The following ZFAT variants were observed in gnomAD, a reference collection of about 807,000 sequenced individuals.
ZFAT encodes zinc finger and AT-hook domain containing.
Under a neutral mutation model 117.7 loss-of-function variants are expected in ZFAT, and 64 were observed. The ratio of observed to expected loss-of-function variants is 0.54; its 90% confidence interval spans 0.44 to 0.67. ZFAT has a LOEUF of 0.67. ZFAT is among the 30% of genes least tolerant of loss of function. The pLI is 0.00. For missense variants in ZFAT, 1,433 were observed against 1,584.5 expected, an observed-to-expected ratio of 0.90 and a Z score of 1.62; for synonymous variants, 679 against 615.0, an observed-to-expected ratio of 1.10 and a Z score of -1.54.
the ZFAT span, among the ~76,000 whole-genome samples, chr8:134,759,008 G>A: frequency 6.6e-6 from 1 of 152,198 alleles, no homozygotes; most frequent in African/African-American, 2.4e-5. Flanking sequence ...AAGCAGTCAT[G>A]TTAGCAAGGG....
chr8:134,484,741 G>A (rs1203586881), intron 15 of ZFAT, among the ~76,000 whole-genome samples: 3 of 152,150 alleles, frequency 2.0e-5, no homozygotes, highest in Non-Finnish European at 4.4e-5. Context: ...ACCTGGGCAG[G>A]GGCGAACGCC....
chr8:134,500,703 A>G (rs1489403849), intron 15 of ZFAT, among the ~76,000 whole-genome samples: 1 of 152,204 alleles, frequency 6.6e-6, no homozygotes, highest in Non-Finnish European at 1.5e-5. Flanking sequence ...AGAAAAAGAA[A>G]AGGTTCAAAC....
intron 12 of ZFAT, among the ~76,000 whole-genome samples, chr8:134,527,535 T>A (rs1157256543): frequency 1.3e-5 from 2 of 152,212 alleles, no homozygotes; most frequent in Non-Finnish European, 2.9e-5. Flanking sequence ...GTCTCTTAAC[T>A]CAGTGTCTGT....
chr8:134,600,371 C>G (rs1827318630), intron 7 of ZFAT, 65 bp downstream of exon 7: 1 of 1,397,582 alleles, frequency 7.2e-7, no homozygotes, highest in East Asian at 2.3e-5. Flanking sequence ...TACATATAAG[C>G]ATAAACTTGA....
intron 11 of ZFAT, among the ~76,000 whole-genome samples, chr8:134,541,413 T>C (rs901008403): frequency 6.6e-6 from 1 of 151,690 alleles, no homozygotes; most frequent in African/African-American, 2.4e-5. Context: ...CTCTGCAGAG[T>C]CCCCACCAGC....
chr8:134,685,005 CA>C (rs1833251256), intron 1 of ZFAT, among the ~76,000 whole-genome samples: 1 of 152,192 alleles, frequency 6.6e-6, no homozygotes, highest in South Asian at 2.1e-4. Flanking sequence ...CTTCATGGCA[CA>C]AAGTGGCACC....
chr8:134,800,598 G>GA, the ZFAT span: 1 of 511,924 alleles, frequency 2.0e-6, no homozygotes, highest in Non-Finnish European at 4.1e-6. Context: ...TACATGAACT[G>GA]AAACTTGGTT....
At chr8:134,565,289 CT>C in intron 11 of ZFAT, 43 bp downstream of exon 11, 5 of 1,610,596 alleles carry the variant, frequency 3.1e-6, no homozygotes, top group Non-Finnish European at 3.4e-6. Context: ...AAAGCAACGC[CT>C]TTTTTGTCTG....
At chr8:134,595,712 G>C (rs1826878008) in intron 7 of ZFAT, among the ~76,000 whole-genome samples, 1 of 152,206 alleles carries the variant, frequency 6.6e-6, no homozygotes, top group African/African-American at 2.4e-5. Context: ...ACTGTAAGTT[G>C]ACATTATTTA....
At chr8:134,657,493 C>T (rs1428996191) in intron 2 of ZFAT, 68 bp downstream of exon 2, 8 of 1,437,278 alleles carry the variant, frequency 5.6e-6, no homozygotes, top group Non-Finnish European at 6.5e-6. Flanking sequence ...TTCTGCTATG[C>T]CCACGGAGCA....
intron 7 of ZFAT, among the ~76,000 whole-genome samples, chr8:134,591,931 A>G (rs1826535400): frequency 2.6e-5 from 4 of 152,214 alleles, no homozygotes; most frequent in Admixed American, 2.6e-4. Flanking sequence ...TTATACCACC[A>G]GCATGTGGCA....
In ZFAT at chr8:134,553,538, G is replaced by A. The variant is rs760382930; in HGVS notation, c.2976+11795C>T. Among the ~76,000 whole-genome samples the A allele has an allele frequency of 4.7e-4, 71 of 152,172 alleles. 1 individual carries two copies. The highest frequency in any genetic ancestry group is 8.4e-4 in the Non-Finnish European group (57 of 68,034). The stretch of plus-strand genomic sequence containing the variant: ...TTATGTGGTCAGGTACATCATGAAA[G>A]AATGTGCCACATTAGTGGAATTAAG... On this transcript the variant is annotated intron_variant, in intron 11 of 15. Coordinates refer to ENST00000377838, the MANE Select transcript of ZFAT (RefSeq NM_020863.4).
intron 15 of ZFAT, among the ~76,000 whole-genome samples, chr8:134,490,906 T>C (rs28538458): frequency 0.17 from 26,445 of 152,060 alleles, 2,444 homozygotes; most frequent in Admixed American, 0.26. Flanking sequence ...TGCCTTGCTG[T>C]CCTCCCCCTG....
chr8:134,628,999 G>A (rs1165767503), intron 3 of ZFAT, among the ~76,000 whole-genome samples: 1 of 152,230 alleles, frequency 6.6e-6, no homozygotes, highest in Admixed American at 6.5e-5. Flanking sequence ...GGTGTACACA[G>A]AGCATGAATT....
chr8:134,816,740 T>C, the ZFAT span, among the ~76,000 whole-genome samples: 13 of 152,084 alleles, frequency 8.5e-5, no homozygotes, highest in Non-Finnish European at 1.8e-4. Flanking sequence ...ATCCCAACAC[T>C]GAGAGGCCAA....
chr8:134,724,709 C>T, the ZFAT span, among the ~76,000 whole-genome samples: 2,933 of 152,088 alleles, frequency 0.019, 80 homozygotes, highest in African/African-American at 0.066. Flanking sequence ...CTATCAGTTA[C>T]GTTACCTGCC....
intron 11 of ZFAT, among the ~76,000 whole-genome samples, chr8:134,548,301 C>A (rs372578235): frequency 7.2e-5 from 11 of 152,278 alleles, no homozygotes; most frequent in East Asian, 3.9e-4. Context: ...AAAAATAAGG[C>A]ATTTGAGCCA....
In ZFAT at chr8:134,600,551, C is replaced by T. The variant is rs765009497; in HGVS notation, c.2360G>A (p.Arg787His). 3 of 1,613,992 alleles carry T rather than the reference C, an allele frequency of 1.9e-6. No homozygotes were observed. Among genetic ancestry groups the T allele is most frequent in the African/African-American group, 1.3e-5 (1 of 74,968 alleles). ...YSSITKNCLKRHVIQKHSNIL... is the reference protein window; with the variant it reads ...YSSITKNCLKHHVIQKHSNIL... ...GTTACTGTGTTTCTGAATTACGTGG[C>T]GTTTAAGGCAGTTTTTGGTGATGGA... is the stretch of plus-strand genomic sequence containing the variant. The change falls in exon 7 of 16, where the codon CGC becomes CAC. Residue 787 changes from arginine (R) to histidine (H), a missense_variant. Coordinates refer to ENST00000377838, the MANE Select transcript of ZFAT (RefSeq NM_020863.4).
chr8:134,814,222 T>G, the ZFAT span, among the ~76,000 whole-genome samples: 1 of 152,224 alleles, frequency 6.6e-6, no homozygotes, highest in Non-Finnish European at 1.5e-5. Flanking sequence ...AATGAACTCA[T>G]GTGCTAGCGT....
Sources: allele counts gnomAD v4.1 joint callset (sites outside exome capture counted in the v4.1 genomes callset), GRCh38; gene constraint gnomAD v4.1.1; transcripts MANE v1.5; gene names NCBI Gene and HGNC (gene_info 2026-07-23, HGNC 2026-07-21).